MRPL47: variants seen among roughly 807,000 people sequenced by gnomAD.
MRPL47 encodes the protein large ribosomal subunit protein uL29m.
MRPL47 carries 31 observed loss-of-function variants against 34.0 expected under a neutral mutation model. That is an observed-to-expected ratio of 0.91 (90% CI 0.68 to 1.23). The LOEUF (loss-of-function observed/expected upper bound fraction) is 1.23, where lower values mean the gene tolerates loss of function less well. Among genes scored for constraint, MRPL47 ranks in the 50% most tolerant of loss-of-function variants. MRPL47 has a pLI of 0.00. For missense variants in MRPL47, 328 were observed against 285.8 expected, an observed-to-expected ratio of 1.15 and a Z score of -1.07; for synonymous variants, 106 against 101.6, an observed-to-expected ratio of 1.04 and a Z score of -0.26.
chr3:179,600,893 C>G (rs1163528078), intron 3 of MRPL47, among the ~76,000 whole-genome samples: 4 of 152,068 alleles, frequency 2.6e-5, no homozygotes, highest in Admixed American at 2.0e-4. Context: ...GTGAAACTTC[C>G]CAATTTAAAA....
chr3:179,592,558 C>T (rs543010740), intron 6 of MRPL47, 86 bp downstream of exon 6: 8 of 791,532 alleles, frequency 1.0e-5, no homozygotes, highest in South Asian at 1.8e-5. Context: ...ACAGCTTAAG[C>T]TTTCTTTATG....
chr3:179,601,561 CCT>C (rs1392926934), intron 3 of MRPL47, among the ~76,000 whole-genome samples, 167 bp downstream of exon 3: 4 of 152,212 alleles, frequency 2.6e-5, no homozygotes, highest in Non-Finnish European at 5.9e-5. Context: ...CATAATCTAA[CCT>C]CTGTCATATA....
intron 3 of MRPL47, 65 bp from the exon 4 acceptor site, chr3:179,598,836 T>C (rs527415251): frequency 7.8e-5 from 92 of 1,185,246 alleles, no homozygotes; most frequent in South Asian, 7.4e-4. Flanking sequence ...TTGTGATTTC[T>C]GACATCAAAA....
At chr3:179,594,644 G>A (rs999119149) in intron 4 of MRPL47, among the ~76,000 whole-genome samples, 15 of 151,974 alleles carry the variant, frequency 9.9e-5, no homozygotes, top group Admixed American at 6.6e-5. Flanking sequence ...CACCACACCC[G>A]GCTAATTTTT....
chr3:179,598,528 G>A (rs925210031), intron 4 of MRPL47, 147 bp downstream of exon 4: 2 of 577,902 alleles, frequency 3.5e-6, no homozygotes, highest in African/African-American at 3.8e-5. Flanking sequence ...GTTTCCAAAG[G>A]AGCTATGATG....
intron 3 of MRPL47, 108 bp from the exon 4 acceptor site, chr3:179,598,879 C>A (rs554973896): frequency 9.1e-6 from 7 of 766,238 alleles, no homozygotes; most frequent in South Asian, 8.9e-5. Context: ...CACTTAGAGG[C>A]GAGGTGCTGT....
At position 179,604,565 on chromosome 3, in the gene MRPL47, G is replaced by A. The variant is rs890955875; in HGVS notation, c.60C>T (p.Ser20=). Residue 20 remains serine (S), a synonymous_variant, in exon 1 of 7, where the codon TCC becomes TCT. Coordinates refer to ENST00000476781, the MANE Select transcript of MRPL47 (RefSeq NM_020409.3). ...GGACCTGAGGAGTTATTAACGATCG[G>A]GAAGATTTCAGGGCGGATGAAACTC... ...CRRVSSALKS[S]RSLITPQVPA... is the part of the protein sequence containing the mutation. 6.2e-7 allele frequency: 1 copy of A among 1,614,204 alleles called. No homozygotes were observed. The highest frequency in any genetic ancestry group is 1.7e-5 in the Admixed American group (1 of 60,024).
In MRPL47 at chr3:179,588,901, C is replaced by T; in HGVS notation, c.724G>A (p.Ala242Thr). ...KILLKKFPHL[A>T]EAQKSSLV ...ACAAGACTTGACTTTTGGGCTTCAG[C>T]AAGATGTGGAAACTTTTTTAAAAGA... Residue 242 changes from alanine to threonine, a missense_variant, in exon 7 of 7, where the codon GCT becomes ACT. Physicochemically the swap from Ala to Thr is moderately conservative, Grantham distance 58 (BLOSUM62 0). Transcript: ENST00000476781. 6.2e-7 allele frequency: 1 copy of T among 1,613,450 alleles called. No individual in the cohort carries two copies. The highest frequency in any genetic ancestry group is 8.5e-7 in the Non-Finnish European group (1 of 1,179,706).
intron 2 of MRPL47, 50 bp downstream of exon 2, chr3:179,602,598 CGGGG>C: frequency 1.7e-6 from 1 of 577,262 alleles, no homozygotes; most frequent in Non-Finnish European, 2.6e-6. Context: ...TTGGGCGGGG[CGGGG>C]GGGGGGGTTC....
intron 2 of MRPL47, 81 bp from the exon 3 acceptor site, chr3:179,601,871 C>T: frequency 1.1e-6 from 1 of 912,492 alleles, no homozygotes; most frequent in Non-Finnish European, 1.7e-6. Context: ...CTAAACCTGT[C>T]TAAACCTGTT....
intron 2 of MRPL47, among the ~76,000 whole-genome samples, chr3:179,602,090 T>A (rs559048542): frequency 4.1e-4 from 62 of 152,342 alleles, no homozygotes; most frequent in Non-Finnish European, 7.5e-4. Context: ...ACACCTGTAT[T>A]CCCAACGCTT....
chr3:179,598,431 A>AAC (rs1718844928), intron 4 of MRPL47, among the ~76,000 whole-genome samples: 6 of 55,620 alleles, frequency 1.1e-4, no homozygotes, highest in African/African-American at 3.2e-4. Flanking sequence ...CACACAAACA[A>AAC]AAAAAAAAAA....
At chr3:179,595,791 C>A (rs1183631272) in intron 4 of MRPL47, among the ~76,000 whole-genome samples, 1 of 152,226 alleles carries the variant, frequency 6.6e-6, no homozygotes, top group South Asian at 2.1e-4. Flanking sequence ...AACAAGTCAA[C>A]CTCAAAGAGC....
rs138528182 is a variant in MRPL47 at position 179,602,782 on chromosome 3, C to T, written c.114G>A (p.Leu38=). The change falls in exon 2 of 7, where the codon TTG becomes TTA. Residue 38 remains leucine, a synonymous_variant. Transcript: ENST00000476781. ...VPACTGFFLS[L]LPKSTPNVTS... is the part of the protein sequence containing the mutation. ...TCACATTTGGTGTACTCTTAGGCAA[C>T]AAACTAAGAAAAAACCTGCAATTGA... 16 of 1,599,788 alleles carry T rather than the reference C, an allele frequency of 1.0e-5. No individual in the cohort carries two copies. Among genetic ancestry groups the T allele is most frequent in the Non-Finnish European group, 1.4e-5 (16 of 1,176,302 alleles).
intron 2 of MRPL47, 149 bp from the exon 3 acceptor site, chr3:179,601,939 A>G (rs1055431695): frequency 7.5e-6 from 4 of 535,368 alleles, no homozygotes; most frequent in African/African-American, 5.9e-5. Context: ...GTGTAATTAG[A>G]GATAAATTAG....
intron 3 of MRPL47, 50 bp downstream of exon 3, chr3:179,601,680 C>T: frequency 1.8e-6 from 2 of 1,137,680 alleles, no homozygotes; most frequent in Non-Finnish European, 2.7e-6. Context: ...CTCATTGTTA[C>T]ACTATAACGG....
chr3:179,600,901 A>C (rs1718912170), intron 3 of MRPL47, among the ~76,000 whole-genome samples: 1 of 152,186 alleles, frequency 6.6e-6, no homozygotes, highest in African/African-American at 2.4e-5. Flanking sequence ...TCCCAATTTA[A>C]AAAACAATTA....
At chr3:179,604,174 A>G (rs1360758252) in intron 1 of MRPL47, among the ~76,000 whole-genome samples, 1 of 152,212 alleles carries the variant, frequency 6.6e-6, no homozygotes, top group Non-Finnish European at 1.5e-5. Context: ...TCCAAACTTG[A>G]CACAGACTTG....
Position 179,593,762 on chromosome 3 carries a change from T to C in MRPL47, c.533+3A>G, listed in dbSNP as rs1718727503. 1.2e-6 allele frequency: 2 copies of C among 1,613,100 alleles called. No individual in the cohort carries two copies. Among genetic ancestry groups the C allele is most frequent in the African/African-American group, 1.3e-5 (1 of 74,896 alleles). ...TAGAAGAGCCACAGTGTTAACTACA[T>C]ACCAGATGATTCTTCCAAAGATGTC... is the stretch of plus-strand genomic sequence containing the variant. On this transcript the variant is annotated splice_donor_region_variant and intron_variant, in intron 5 of 6. Coordinates refer to ENST00000476781, the MANE Select transcript of MRPL47 (RefSeq NM_020409.3).
Sources: allele counts gnomAD v4.1 joint callset (sites outside exome capture counted in the v4.1 genomes callset), GRCh38; gene constraint gnomAD v4.1.1; transcripts MANE v1.5; gene names NCBI Gene and HGNC (gene_info 2026-07-23, HGNC 2026-07-21).